Variants in LRRTM4 observed in about 807,000 individuals in gnomAD.
The protein encoded by LRRTM4 is leucine-rich repeat transmembrane neuronal protein 4.
A neutral mutation model predicts 47.6 loss-of-function variants in LRRTM4; 25 were observed. That is an observed-to-expected ratio of 0.53 (90% CI 0.38 to 0.73). The LOEUF is 0.73. Among genes scored for constraint, LRRTM4 ranks in the 30% least tolerant of loss-of-function variants. The pLI is 0.00. For synonymous variants in LRRTM4, 311 were observed against 269.5 expected (o/e 1.15, Z -1.51); for missense variants, 638 against 713.4 (o/e 0.89, Z 1.20).
chr2:77,177,958 A>C (rs989732271), intron 3 of LRRTM4, among the ~76,000 whole-genome samples: 1 of 152,180 alleles, frequency 6.6e-6, no homozygotes, highest in African/African-American at 2.4e-5. Context: ...TTACAGTGAG[A>C]GATCCAAAGG....
intron 3 of LRRTM4, among the ~76,000 whole-genome samples, chr2:76,879,653 A>G (rs772010277): frequency 7.2e-5 from 11 of 152,232 alleles, no homozygotes; most frequent in Non-Finnish European, 1.5e-4. Context: ...GGATCAAATA[A>G]TTTTGATTTG....
chr2:76,796,350 C>CACCTCT (rs1399530200), intron 3 of LRRTM4, among the ~76,000 whole-genome samples: 2 of 126,546 alleles, frequency 1.6e-5, no homozygotes, highest in East Asian at 4.9e-4. Context: ...CTGTAGGCTC[C>CACCTCT]ACCTCTGGGG....
chr2:77,336,379 C>A (rs1361569400), intron 3 of LRRTM4, among the ~76,000 whole-genome samples: 1 of 152,022 alleles, frequency 6.6e-6, no homozygotes, highest in Non-Finnish European at 1.5e-5. Context: ...TGCACTTTTA[C>A]CAGTTAGCTC....
At chr2:76,812,286 A>G (rs1330616142) in intron 3 of LRRTM4, among the ~76,000 whole-genome samples, 1 of 152,152 alleles carries the variant, frequency 6.6e-6, no homozygotes, top group East Asian at 1.9e-4. Context: ...TTGATGTTTA[A>G]TTATATTATG....
chr2:77,041,593 A>C (rs1212514604), intron 3 of LRRTM4, among the ~76,000 whole-genome samples: 1 of 151,272 alleles, frequency 6.6e-6, no homozygotes, highest in Non-Finnish European at 1.5e-5. Flanking sequence ...CGTCTTTTTT[A>C]GCCATTCTAG....
intron 3 of LRRTM4, among the ~76,000 whole-genome samples, chr2:77,139,374 C>G (rs1370162085): frequency 6.6e-6 from 1 of 152,094 alleles, no homozygotes; most frequent in Non-Finnish European, 1.5e-5. Flanking sequence ...AGACAAAAGC[C>G]ACATGATTAT....
chr2:77,023,256 C>G lies in LRRTM4; in HGVS notation c.1552-274340G>C, dbSNP rs1337035665. 5.9e-5 allele frequency among the ~76,000 whole-genome samples: 9 copies of G among 152,304 alleles called. No homozygotes were observed. In the South Asian group the frequency reaches 1.7e-3, roughly 28 times the overall value. On this transcript the variant is annotated intron_variant, in intron 3 of 3. Coordinates refer to ENST00000409884, the MANE Select transcript of LRRTM4 (RefSeq NM_001134745.3). ...CTAGACTGCACACAGCACAGGGACC[C>G]TGGCCCTGACCATGAAACCATTTTT...
intron 3 of LRRTM4, among the ~76,000 whole-genome samples, chr2:76,780,317 G>C (rs1208163312): frequency 6.6e-6 from 1 of 152,186 alleles, no homozygotes; most frequent in Admixed American, 6.5e-5. Context: ...TGCCTTGCTA[G>C]ATTGGGGAAG....
At chr2:77,440,401 G>T (rs1308508105) in intron 3 of LRRTM4, among the ~76,000 whole-genome samples, 1 of 151,988 alleles carries the variant, frequency 6.6e-6, no homozygotes, top group Non-Finnish European at 1.5e-5. Context: ...GCGACAGAGT[G>T]AGACTCCGCC....
intron 3 of LRRTM4, among the ~76,000 whole-genome samples, chr2:77,193,073 C>T (rs765298562): frequency 1.3e-5 from 2 of 152,120 alleles, no homozygotes; most frequent in Non-Finnish European, 2.9e-5. Context: ...AGTGACATAG[C>T]CATTGTGCCT....
chr2:76,945,362 T>C (rs1354797015), intron 3 of LRRTM4, among the ~76,000 whole-genome samples: 1 of 152,012 alleles, frequency 6.6e-6, no homozygotes, highest in Admixed American at 6.6e-5. Flanking sequence ...GTTGTGAAAA[T>C]GCCACCACCA....
chr2:77,140,577 T>A (rs1163945329), intron 3 of LRRTM4, among the ~76,000 whole-genome samples: 1 of 142,372 alleles, frequency 7.0e-6, no homozygotes, highest in East Asian at 2.1e-4. Flanking sequence ...AAGGACTTCA[T>A]GACTAAAACA....
chr2:77,363,872 C>G (rs1236561213), intron 3 of LRRTM4, among the ~76,000 whole-genome samples: 1 of 151,952 alleles, frequency 6.6e-6, no homozygotes, highest in Non-Finnish European at 1.5e-5. Context: ...TCTCTGAATT[C>G]AAAAATGAAA....
chr2:76,790,703 C>A (rs1347571280), intron 3 of LRRTM4, among the ~76,000 whole-genome samples: 1 of 151,450 alleles, frequency 6.6e-6, no homozygotes, highest in Non-Finnish European at 1.5e-5. Flanking sequence ...GGATAGACCC[C>A]CCCCCACCAC....
chr2:77,117,284 T>C (rs1039457814), intron 3 of LRRTM4, among the ~76,000 whole-genome samples: 13 of 152,042 alleles, frequency 8.6e-5, no homozygotes, highest in African/African-American at 3.1e-4. Flanking sequence ...AAATAGTTTT[T>C]GAAATATAAA....
At chr2:76,822,233 CAAG>C (rs1361979220) in intron 3 of LRRTM4, among the ~76,000 whole-genome samples, 3 of 151,120 alleles carry the variant, frequency 2.0e-5, no homozygotes, top group Non-Finnish European at 4.4e-5. Flanking sequence ...GAGCTAAAAA[CAAG>C]AGATACTAAG....
chr2:77,000,648 A>G (rs1677386530), intron 3 of LRRTM4, among the ~76,000 whole-genome samples: 1 of 152,196 alleles, frequency 6.6e-6, no homozygotes, highest in East Asian at 1.9e-4. Flanking sequence ...TGTTTGTGGA[A>G]CAGGAAGCAA....
At chr2:76,958,750 C>G (rs184085280) in intron 3 of LRRTM4, among the ~76,000 whole-genome samples, 8 of 151,816 alleles carry the variant, frequency 5.3e-5, no homozygotes, top group African/African-American at 1.9e-4. Context: ...CATAGAGTAC[C>G]ATTTTAGTGG....
At chr2:77,430,096 G>A (rs935955842) in intron 3 of LRRTM4, among the ~76,000 whole-genome samples, 1 of 152,034 alleles carries the variant, frequency 6.6e-6, no homozygotes, top group Non-Finnish European at 1.5e-5. Context: ...TTTAAAACAT[G>A]CTAACTAGAG....
Sources: gnomAD v4.1 joint callset for allele counts (sites outside exome capture counted in the v4.1 genomes callset) on GRCh38, gnomAD v4.1.1 for gene constraint, MANE v1.5 for transcripts, NCBI Gene and HGNC (gene_info 2026-07-23, HGNC 2026-07-21) for gene names.